Variants in EIF3B observed in about 807,000 individuals in gnomAD.
EIF3B encodes the protein eukaryotic translation initiation factor 3 subunit 9.
Under a neutral mutation model 104.6 loss-of-function variants are expected in EIF3B, and 10 were observed. The ratio of observed to expected loss-of-function variants is 0.10; its 90% CI spans 0.06 to 0.16. EIF3B has a LOEUF of 0.16. Among genes scored for constraint, EIF3B ranks in the 10% least tolerant of loss-of-function variants. The pLI, the probability that EIF3B is intolerant of heterozygous loss-of-function variation, is 1.00. For synonymous variants in EIF3B, 542 were observed against 417.2 expected (o/e 1.30, Z -3.65); for missense variants, 1,014 against 1,087.9 (o/e 0.93, Z 0.96).
rs1422523345 is a variant in EIF3B at position 2,380,559 on chromosome 7, A to C, written c.*370A>C. 1 of 388,140 alleles carries C rather than the reference A, an allele frequency of 2.6e-6. No homozygotes were observed. Among genetic ancestry groups the C allele is most frequent in the African/African-American group, 2.1e-5 (1 of 47,898 alleles). The allele number at this position is 388,140 out of a possible 1,614,324, so 24.0% of individuals were successfully genotyped here. ...TTCTCCTGCGCCCAGTGATGTTTCC[A>C]CGGTGCCTGTACACAGCCGAGCAGC... is the stretch of plus-strand genomic sequence containing the variant. On this transcript the variant is annotated 3_prime_UTR_variant, in exon 19 of 19. Transcript: ENST00000360876.
chr7:2,368,472 C>T (rs1780150025), intron 9 of EIF3B, among the ~76,000 whole-genome samples: 1 of 152,180 alleles, frequency 6.6e-6, no homozygotes, highest in South Asian at 2.1e-4. Flanking sequence ...GTTCTGGACA[C>T]AAGGATGGAG....
Position 2,362,576 on chromosome 7 carries a change from T to C in EIF3B, c.693-69T>C. 4 of 1,586,230 alleles carry C rather than the reference T, an allele frequency of 2.5e-6. No homozygotes were observed. In the South Asian group the frequency reaches 4.5e-5, roughly 18 times the overall value. On this transcript the variant is annotated intron_variant, in intron 2 of 18. Coordinates refer to ENST00000360876, the MANE Select transcript of EIF3B (RefSeq NM_001037283.2). The stretch of plus-strand genomic sequence containing the variant: ...CCGAGGGCTTGTCCGTGGAGAGGGG[T>C]GGGGCGGACAGCGCATACCTGCCTA...
intron 8 of EIF3B, 95 bp from the exon 9 acceptor site, chr7:2,366,904 C>T: frequency 1.5e-6 from 2 of 1,351,548 alleles, no homozygotes; most frequent in Non-Finnish European, 2.1e-6. Context: ...GGCAAACTCA[C>T]ATCAGACTCT....
chr7:2,374,752 T>A, intron 13 of EIF3B, 146 bp downstream of exon 13: 1 of 697,138 alleles, frequency 1.4e-6, no homozygotes, highest in Non-Finnish European at 2.4e-6. Flanking sequence ...TAGGACTTCA[T>A]TGAACCTCTG....
At chr7:2,366,866 TGTC>T in intron 8 of EIF3B, 130 bp from the exon 9 acceptor site, 1 of 973,102 alleles carries the variant, frequency 1.0e-6, no homozygotes, top group South Asian at 1.5e-5. Flanking sequence ...ATGGGTTCAC[TGTC>T]ACGCTCTGTG....
chr7:2,368,810 C>T (rs1358113714), intron 9 of EIF3B, among the ~76,000 whole-genome samples: 4 of 152,240 alleles, frequency 2.6e-5, no homozygotes, highest in African/African-American at 4.8e-5. Flanking sequence ...GTCAGTATCA[C>T]GGCAGTGAAC....
At chr7:2,378,889 T>C (rs1332741354) in intron 16 of EIF3B, 123 bp downstream of exon 16, 6 of 926,386 alleles carry the variant, frequency 6.5e-6, no homozygotes, top group African/African-American at 3.3e-5. Context: ...ACTGGTTCTG[T>C]TCCCCCCCAG....
At chr7:2,377,592 T>A (rs1171043984) in intron 15 of EIF3B, among the ~76,000 whole-genome samples, 1 of 106,698 alleles carries the variant, frequency 9.4e-6, no homozygotes, top group African/African-American at 6.2e-5. Context: ...ACCCTGGGTG[T>A]CATGGAGGAA....
At chr7:2,371,360 G>A (rs867466236) in intron 10 of EIF3B, among the ~76,000 whole-genome samples, 4 of 152,192 alleles carry the variant, frequency 2.6e-5, no homozygotes, top group Non-Finnish European at 4.4e-5. Flanking sequence ...CAGACTCCTC[G>A]AGTAGGGCAG....
chr7:2,363,118 C>T lies in EIF3B; in HGVS notation c.861C>T (p.Phe287=), dbSNP rs971776362. Residue 287 remains phenylalanine (F), a synonymous_variant, in exon 4 of 19, where the codon TTC becomes TTT. Transcript: ENST00000360876. ...GGGATATTCCAGAGAAACAGCCTTT[C>T]AAAGACCTGGTGAGTGGCCTGAAAC... ...DEWDIPEKQP[F]KDLGNLRYWL... is the part of the protein sequence containing the mutation. 3 of 1,613,914 alleles carry T rather than the reference C, an allele frequency of 1.9e-6. No individual in the cohort carries two copies. The highest frequency in any genetic ancestry group is 2.7e-5 in the African/African-American group (2 of 74,906).
At chr7:2,363,039 G>A (rs367643998) in intron 3 of EIF3B, 31 bp from the exon 4 acceptor site, 33 of 1,612,660 alleles carry the variant, frequency 2.0e-5, no homozygotes, top group South Asian at 3.3e-5. Context: ...TCGTCAGGGC[G>A]TGGGGCTCAG....
intron 2 of EIF3B, among the ~76,000 whole-genome samples, chr7:2,361,248 C>T (rs1043876262): frequency 3.3e-5 from 5 of 152,122 alleles, no homozygotes; most frequent in Non-Finnish European, 2.9e-5. Context: ...CAGAGCAAGA[C>T]TCTGTCTCTA....
rs1472180720 is a variant in EIF3B, at chr7:2,355,114, G to C, written c.193G>C (p.Glu65Gln). The C allele has an allele frequency of 3.6e-6, 5 of 1,372,006 alleles. No individual in the cohort carries two copies. The South Asian group carries it at 8.2e-5, about 22-fold the overall frequency. The allele number at this position is 1,372,006 out of a possible 1,614,324, so 85.0% of individuals were successfully genotyped here. A position where few individuals can be genotyped will look rare whatever the true frequency, so the allele number is the denominator to read the frequency against. The change falls in exon 1 of 19, where the codon GAG becomes CAG. Residue 65 changes from glutamate (E) to glutamine (Q), a missense_variant. Coordinates refer to ENST00000360876, the MANE Select transcript of EIF3B (RefSeq NM_001037283.2). ...VGIAEAGPES[E>Q]VRTEPAAEAE... ...GATCGCGGAGGCCGGGCCGGAGTCCGAGGTGAGGACCGAGCCGGCGGCCGA... is the reference window on the plus strand; with the variant it reads ...GATCGCGGAGGCCGGGCCGGAGTCCCAGGTGAGGACCGAGCCGGCGGCCGA...
intron 9 of EIF3B, among the ~76,000 whole-genome samples, chr7:2,367,825 ATTTTTTTTTTTTTTTTTTTTTT>A (rs71026506): frequency 0.016 from 939 of 60,478 alleles, 50 homozygotes; most frequent in African/African-American, 0.075. Context: ...TTTTTTTAAA[ATTTTTTTTTTTTTTTTTTTTTT>A]TTTTTTTTTT....
At chr7:2,354,652 C>T (rs1157704184), upstream of EIF3B, among the ~76,000 whole-genome samples, 4 of 152,228 alleles carry the variant, frequency 2.6e-5, no homozygotes, top group Non-Finnish European at 5.9e-5. Flanking sequence ...TACTGATGCA[C>T]AGAAACAACC....
At chr7:2,365,874 C>T (rs1425669979) in intron 6 of EIF3B, among the ~76,000 whole-genome samples, 1 of 152,048 alleles carries the variant, frequency 6.6e-6, no homozygotes, top group Non-Finnish European at 1.5e-5. Context: ...CAGGGTCTCA[C>T]CATGTCGGCC....
In EIF3B at chr7:2,379,469, A is replaced by T; in HGVS notation, c.2417A>T (p.Glu806Val). ...ACCATTGAGTTCTTCGTCACTGAAGAAATCATTCCCCTCGGGAATCAGGAG... is the reference window on the plus strand; with the variant it reads ...ACCATTGAGTTCTTCGTCACTGAAGTAATCATTCCCCTCGGGAATCAGGAG... ...EETIEFFVTE[E>V]IIPLGNQE The change falls in exon 18 of 19, where the codon GAA (glutamate) becomes GTA (valine). Residue 806 changes from glutamate (E) to valine (V), a missense_variant. Physicochemically the swap from Glu to Val is moderately radical, Grantham distance 121. Transcript: ENST00000360876. 1 of 1,584,258 alleles carries T rather than the reference A, an allele frequency of 6.3e-7. No homozygotes were observed. The highest frequency in any genetic ancestry group is 8.6e-7 in the Non-Finnish European group (1 of 1,164,862).
intron 8 of EIF3B, 183 bp from the exon 9 acceptor site, chr7:2,366,816 G>T (rs888430141): frequency 7.5e-6 from 6 of 801,802 alleles, no homozygotes; most frequent in Non-Finnish European, 1.2e-5. Flanking sequence ...AGTTAATGCA[G>T]TGGGCTTCAG....
Position 2,367,825 on chromosome 7 carries a change from A to ATTTTTTT in EIF3B, c.1403+808_1403+814dup, listed in dbSNP as rs71026506. On this transcript the variant is annotated intron_variant, in intron 9 of 18. Transcript: ENST00000360876. ...ACGGTGAGTTTGTTCTTTTTTTAAA[A>ATTTTTTT]TTTTTTTTTTTTTTTTTTTTTTTTT... 2.1e-3 allele frequency among the ~76,000 whole-genome samples: 128 copies of ATTTTTTT among 60,296 alleles called. 4 individuals are homozygous for ATTTTTTT. The highest frequency in any genetic ancestry group is 0.014 in the East Asian group (23 of 1,624). 39.6% of individuals were successfully genotyped at this position (60,296 alleles called of 152,430 possible).
Sources: gnomAD v4.1 joint callset for allele counts (sites outside exome capture counted in the v4.1 genomes callset) on GRCh38, gnomAD v4.1.1 for gene constraint, MANE v1.5 for transcripts, NCBI Gene and HGNC (gene_info 2026-07-23, HGNC 2026-07-21) for gene names.